SLC2A13: variants seen among roughly 807,000 people sequenced by gnomAD.
SLC2A13 encodes the protein proton myo-inositol cotransporter.
Under a neutral mutation model 64.4 loss-of-function variants are expected in SLC2A13, and 32 were observed. That is an observed-to-expected ratio of 0.50 (90% CI 0.37 to 0.67). The LOEUF (loss-of-function observed/expected upper bound fraction) is 0.67, where lower values mean the gene tolerates loss of function less well. Among genes scored for constraint, SLC2A13 ranks in the 30% least tolerant of loss-of-function variants. The probability of loss-of-function intolerance (pLI) is 0.00; values close to 1 mark genes in which losing one functional copy is unlikely to be tolerated. For synonymous variants in SLC2A13, 338 were observed against 327.1 expected (o/e 1.03, Z -0.36); for missense variants, 743 against 829.2 (o/e 0.90, Z 1.28).
intron 4 of SLC2A13, among the ~76,000 whole-genome samples, chr12:39,877,754 A>T (rs1944226754): frequency 6.6e-6 from 1 of 152,234 alleles, no homozygotes; most frequent in Non-Finnish European, 1.5e-5. Context: ...CACTATATTT[A>T]CAATCTTCTA....
chr12:39,781,138 C>A (rs1248425642), intron 7 of SLC2A13, among the ~76,000 whole-genome samples: 1 of 152,108 alleles, frequency 6.6e-6, no homozygotes, highest in African/African-American at 2.4e-5. Context: ...TTCTGAAGCA[C>A]CTTACTGATT....
intron 5 of SLC2A13, among the ~76,000 whole-genome samples, chr12:39,867,388 T>G (rs905979520): frequency 3.9e-5 from 6 of 152,126 alleles, no homozygotes; most frequent in African/African-American, 1.4e-4. Context: ...CATATAAAGA[T>G]TCAAATAAAT....
intron 7 of SLC2A13, among the ~76,000 whole-genome samples, chr12:39,766,977 C>T (rs777622247): frequency 9.2e-5 from 14 of 152,074 alleles, no homozygotes; most frequent in African/African-American, 1.9e-4. Context: ...TGCAAACTTC[C>T]AAACTGTTCA....
At chr12:39,967,347 A>T (rs1356682467) in intron 3 of SLC2A13, among the ~76,000 whole-genome samples, 1 of 152,180 alleles carries the variant, frequency 6.6e-6, no homozygotes, top group African/African-American at 2.4e-5. Flanking sequence ...GTATTTTAGC[A>T]TGGCTCATGA....
chr12:40,063,004 T>A (rs961062732), intron 1 of SLC2A13, among the ~76,000 whole-genome samples: 6 of 152,162 alleles, frequency 3.9e-5, no homozygotes, highest in Admixed American at 6.6e-5. Flanking sequence ...CCTTCATTAA[T>A]GCTTCTATAA....
In SLC2A13 at chr12:39,948,957, T is replaced by C. The variant is rs542090205; in HGVS notation, c.1034+2300A>G. 2.6e-5 allele frequency among the ~76,000 whole-genome samples: 4 copies of C among 152,282 alleles called. No homozygotes were observed. In the East Asian group the frequency reaches 7.7e-4, roughly 29 times the overall value. ...TTTAAATCAGAAACAAAGTTTATGA[T>C]AGTATTTCCTTAATCTTGAGAATAA... On this transcript the variant is annotated intron_variant, in intron 4 of 9. Coordinates refer to ENST00000280871, the MANE Select transcript of SLC2A13 (RefSeq NM_052885.4).
rs141653269 is a variant in SLC2A13 at position 39,858,014 on chromosome 12, G to A, written c.1319+6748C>T. ...GGGTAGCAAGTCTTGCCAAGTGGGGGATTTGTAAGTCTGTGGCTAAAAGCC... is the reference window on the plus strand; with the variant it reads ...GGGTAGCAAGTCTTGCCAAGTGGGGAATTTGTAAGTCTGTGGCTAAAAGCC... On this transcript the variant is annotated intron_variant, in intron 6 of 9. Transcript: ENST00000280871. Among the ~76,000 whole-genome samples, 231 of 152,286 alleles carry A rather than the reference G, an allele frequency of 1.5e-3. 2 individuals are homozygous for A. Among genetic ancestry groups the A allele is most frequent in the African/African-American group, 5.2e-3 (218 of 41,560 alleles).
intron 6 of SLC2A13, among the ~76,000 whole-genome samples, chr12:39,839,734 A>G (rs924283046): frequency 1.3e-5 from 2 of 152,056 alleles, no homozygotes; most frequent in African/African-American, 4.8e-5. Context: ...ACTTTACATG[A>G]CCATTGCTAT....
chr12:40,067,348 C>T (rs769112376), intron 1 of SLC2A13, among the ~76,000 whole-genome samples: 2 of 151,976 alleles, frequency 1.3e-5, no homozygotes, highest in Non-Finnish European at 2.9e-5. Flanking sequence ...GCTACAGTCA[C>T]GTGCCACCAC....
chr12:39,975,182 A>T (rs1460081637), intron 3 of SLC2A13, among the ~76,000 whole-genome samples: 1 of 152,158 alleles, frequency 6.6e-6, no homozygotes, highest in Non-Finnish European at 1.5e-5. Flanking sequence ...GACAAATTTC[A>T]CTCAGACAAA....
At chr12:39,824,287 A>G (rs1482491196) in intron 7 of SLC2A13, among the ~76,000 whole-genome samples, 1 of 152,180 alleles carries the variant, frequency 6.6e-6, no homozygotes, top group African/African-American at 2.4e-5. Flanking sequence ...GGTCTGATTC[A>G]CATCAAAGAT....
chr12:39,968,761 TATATATATATATATATATATATATATATA>T (rs1946581263), intron 3 of SLC2A13, among the ~76,000 whole-genome samples: 1 of 105,238 alleles, frequency 9.5e-6, no homozygotes, highest in Admixed American at 9.4e-5. Context: ...TTTTTTTTGG[TATATATATATATATATATATATATATATA>T]TATATATATA....
chr12:39,764,423 T>C (rs1046301772), intron 9 of SLC2A13, 37 bp downstream of exon 9: 3 of 1,495,336 alleles, frequency 2.0e-6, no homozygotes, highest in Non-Finnish European at 2.7e-6. Context: ...GTGATAAAAA[T>C]AAAAACAAAA....
At chr12:39,970,013 C>T (rs1211279080) in intron 3 of SLC2A13, among the ~76,000 whole-genome samples, 4 of 152,204 alleles carry the variant, frequency 2.6e-5, no homozygotes, top group Non-Finnish European at 5.9e-5. Flanking sequence ...CAGCTTTCTA[C>T]ATATGGCTAG....
At chr12:40,079,625 G>T (rs1349817151) in intron 1 of SLC2A13, among the ~76,000 whole-genome samples, 1 of 152,138 alleles carries the variant, frequency 6.6e-6, no homozygotes, top group South Asian at 2.1e-4. Flanking sequence ...AGATCCATGT[G>T]GTTAAGTGTC....
chr12:40,103,114 A>G (rs1939199170), intron 1 of SLC2A13, among the ~76,000 whole-genome samples: 1 of 152,214 alleles, frequency 6.6e-6, no homozygotes, highest in African/African-American at 2.4e-5. Flanking sequence ...CAACCAGCCC[A>G]GAGACCACAG....
chr12:39,868,652 GA>G (rs1263127986), intron 5 of SLC2A13, among the ~76,000 whole-genome samples: 1 of 152,114 alleles, frequency 6.6e-6, no homozygotes. Flanking sequence ...CATGAGGGGG[GA>G]AAAACACAAT....
chr12:40,074,758 T>G (rs1001382160), intron 1 of SLC2A13, among the ~76,000 whole-genome samples: 1 of 152,148 alleles, frequency 6.6e-6, no homozygotes, highest in African/African-American at 2.4e-5. Flanking sequence ...CATGACACAC[T>G]GGTTAACGGA....
intron 1 of SLC2A13, among the ~76,000 whole-genome samples, chr12:40,095,663 T>C (rs1409540989): frequency 1.3e-5 from 2 of 152,222 alleles, no homozygotes; most frequent in Non-Finnish European, 2.9e-5. Flanking sequence ...TTTATTTCCT[T>C]ATATTACAAT....
Sources: gnomAD v4.1 joint callset for allele counts (sites outside exome capture counted in the v4.1 genomes callset) on GRCh38, gnomAD v4.1.1 for gene constraint, MANE v1.5 for transcripts, NCBI Gene and HGNC (gene_info 2026-07-23, HGNC 2026-07-21) for gene names.